KAZN: variants seen among roughly 807,000 people sequenced by gnomAD.
KAZN encodes kazrin.
A neutral mutation model predicts 87.4 loss-of-function variants in KAZN; 40 were observed. That is an observed-to-expected ratio of 0.46 (90% CI 0.36 to 0.60). The LOEUF is 0.60. KAZN is among the 20% of genes least tolerant of loss of function. The probability of loss-of-function intolerance (pLI) is 0.00; values close to 1 mark genes in which losing one functional copy is unlikely to be tolerated. For synonymous variants in KAZN, 466 were observed against 458.3 expected (o/e 1.02, Z -0.22); for missense variants, 898 against 1,073.9 (o/e 0.84, Z 2.29).
chr1:14,693,480 G>A (rs1391795269), intron 1 of KAZN, among the ~76,000 whole-genome samples: 5 of 152,174 alleles, frequency 3.3e-5, no homozygotes, highest in African/African-American at 1.2e-4. Flanking sequence ...TGCTGGACTC[G>A]TCTTACGTTG....
At chr1:14,787,506 T>C (rs1357319312) in intron 1 of KAZN, among the ~76,000 whole-genome samples, 1 of 152,226 alleles carries the variant, frequency 6.6e-6, no homozygotes, top group Non-Finnish European at 1.5e-5. Flanking sequence ...TACTACCTGC[T>C]TCTGGGATTC....
chr1:14,615,747 C>G (rs551032254), intron 1 of KAZN, among the ~76,000 whole-genome samples: 1 of 152,170 alleles, frequency 6.6e-6, no homozygotes, highest in Non-Finnish European at 1.5e-5. Flanking sequence ...CCGCAACTTG[C>G]AAGAGGCATC....
chr1:14,818,624 A>C (rs967610010), intron 1 of KAZN, among the ~76,000 whole-genome samples: 1 of 147,440 alleles, frequency 6.8e-6, no homozygotes, highest in Non-Finnish European at 1.5e-5. Flanking sequence ...CACCCTCTAG[A>C]CTCCTCCTGG....
chr1:13,981,128 T>TAAAAGTATATA (rs375605048), intron 1 of KAZN, among the ~76,000 whole-genome samples: 1 of 134,464 alleles, frequency 7.4e-6, no homozygotes, highest in Non-Finnish European at 1.6e-5. Context: ...TAAACACAGA[T>TAAAAGTATATA]TATATATAGT....
intron 2 of KAZN, among the ~76,000 whole-genome samples, chr1:14,412,015 C>T (rs1014655832): frequency 5.1e-4 from 77 of 152,246 alleles, no homozygotes; most frequent in African/African-American, 1.4e-3. Flanking sequence ...TTTCTGTATT[C>T]GGCATTCTCC....
At chr1:14,560,912 G>A (rs1674214898) in intron 2 of KAZN, among the ~76,000 whole-genome samples, 2 of 152,138 alleles carry the variant, frequency 1.3e-5, no homozygotes, top group African/African-American at 4.8e-5. Flanking sequence ...CAGGAAGTTG[G>A]ATGGTACCTA....
At chr1:14,542,068 G>A (rs1672844890) in intron 2 of KAZN, among the ~76,000 whole-genome samples, 1 of 152,114 alleles carries the variant, frequency 6.6e-6, no homozygotes, top group Non-Finnish European at 1.5e-5. Flanking sequence ...AGAAACCAGT[G>A]ACTCCACAGT....
At chr1:14,837,743 T>TTA (rs1647441589) in intron 1 of KAZN, among the ~76,000 whole-genome samples, 1 of 151,446 alleles carries the variant, frequency 6.6e-6, no homozygotes, top group Non-Finnish European at 1.5e-5. Flanking sequence ...ATTATTATTT[T>TTA]TAGAGACAAG....
At chr1:14,298,054 A>G (rs1319441817) in intron 2 of KAZN, among the ~76,000 whole-genome samples, 3 of 152,090 alleles carry the variant, frequency 2.0e-5, no homozygotes, top group Non-Finnish European at 4.4e-5. Context: ...GCAAAACCCC[A>G]TCTCTACAAA....
At chr1:14,490,995 G>A (rs1669618796) in intron 2 of KAZN, among the ~76,000 whole-genome samples, 1 of 152,196 alleles carries the variant, frequency 6.6e-6, no homozygotes, top group Non-Finnish European at 1.5e-5. Context: ...ACTAATTGGA[G>A]AAGAATTGTC....
chr1:15,020,304 A>G (rs1429158872), intron 2 of KAZN, among the ~76,000 whole-genome samples: 2 of 152,190 alleles, frequency 1.3e-5, no homozygotes, highest in African/African-American at 4.8e-5. Flanking sequence ...TAATACTCAC[A>G]TAATACATGA....
chr1:13,979,896 A>G (rs1447355401), intron 1 of KAZN, among the ~76,000 whole-genome samples: 3 of 145,994 alleles, frequency 2.1e-5, no homozygotes, highest in African/African-American at 5.1e-5. Context: ...GTGCCACTGC[A>G]CTCCAGCCTG....
At chr1:14,890,336 T>C (rs943400409) in intron 1 of KAZN, among the ~76,000 whole-genome samples, 46 of 152,050 alleles carry the variant, frequency 3.0e-4, no homozygotes, top group Non-Finnish European at 5.3e-4. Context: ...TGATGGGAAA[T>C]CTCTCCACTG....
intron 1 of KAZN, among the ~76,000 whole-genome samples, chr1:14,745,274 A>AG (rs1055204588): frequency 3.3e-5 from 5 of 152,192 alleles, no homozygotes; most frequent in Admixed American, 3.3e-4. Flanking sequence ...AAAAAAAAAA[A>AG]AAAAGGAAAA....
At chr1:14,572,748 C>G (rs562052232) in intron 2 of KAZN, among the ~76,000 whole-genome samples, 65 of 152,284 alleles carry the variant, frequency 4.3e-4, no homozygotes, top group African/African-American at 1.5e-3. Context: ...AGCGGCCCCC[C>G]ACTCCCCTGG....
intron 2 of KAZN, among the ~76,000 whole-genome samples, chr1:14,530,115 C>A (rs1490710600): frequency 6.6e-6 from 1 of 152,144 alleles, no homozygotes; most frequent in African/African-American, 2.4e-5. Context: ...TGATCCTGAA[C>A]GGAAACCAGC....
intron 1 of KAZN, among the ~76,000 whole-genome samples, chr1:13,962,975 G>A (rs1395311196): frequency 6.6e-6 from 1 of 152,180 alleles, no homozygotes; most frequent in Non-Finnish European, 1.5e-5. Flanking sequence ...GGGGTGTTCT[G>A]GTGACGGAGA....
chr1:14,316,394 G>C (rs748938280), intron 2 of KAZN, among the ~76,000 whole-genome samples: 5 of 151,716 alleles, frequency 3.3e-5, no homozygotes, highest in Non-Finnish European at 5.9e-5. Flanking sequence ...ATATCTGCAG[G>C]GTCTCTAGTG....
At chr1:14,096,574 T>G (rs532373627) in intron 1 of KAZN, among the ~76,000 whole-genome samples, 4 of 152,324 alleles carry the variant, frequency 2.6e-5, no homozygotes, top group South Asian at 2.1e-4. Flanking sequence ...TCTCAAGTGA[T>G]CAGGAGAATT....
Sources: gnomAD v4.1 joint callset for allele counts (sites outside exome capture counted in the v4.1 genomes callset) on GRCh38, gnomAD v4.1.1 for gene constraint, MANE v1.5 for transcripts, NCBI Gene and HGNC (gene_info 2026-07-23, HGNC 2026-07-21) for gene names.